Variants in MED1 observed in about 807,000 individuals in gnomAD.
MED1 encodes mediator of RNA polymerase II transcription subunit 1.
Under a neutral mutation model 121.3 loss-of-function variants are expected in MED1, and 17 were observed. That is an observed-to-expected ratio of 0.14 (90% confidence interval 0.10 to 0.21). The LOEUF is 0.21. MED1 is among the 10% of genes least tolerant of loss of function. The pLI is 1.00. For missense variants in MED1, 1,558 were observed against 1,919.4 expected (o/e 0.81, Z 3.52); for synonymous variants, 661 against 694.4 (o/e 0.95, Z 0.76).
intron 16 of MED1, among the ~76,000 whole-genome samples, chr17:39,413,965 G>A (rs1253566134): frequency 4.4e-5 from 6 of 135,282 alleles, no homozygotes; most frequent in Non-Finnish European, 9.2e-5. Context: ...AGTGGCTCAC[G>A]CCTGTAATCC....
At chr17:39,445,136 C>T (rs896251582) in intron 2 of MED1, among the ~76,000 whole-genome samples, 1 of 151,996 alleles carries the variant, frequency 6.6e-6, no homozygotes, top group Non-Finnish European at 1.5e-5. Context: ...TCAATGAATA[C>T]CAGTATTATG....
In MED1 at chr17:39,428,780, G is replaced by T. The variant is rs564683336; in HGVS notation, c.650-990C>A. Among the ~76,000 whole-genome samples, 4 of 151,776 alleles carry T rather than the reference G, an allele frequency of 2.6e-5. No individual in the cohort carries two copies. In the South Asian group the frequency reaches 6.2e-4, roughly 24 times the overall value. On this transcript the variant is annotated intron_variant, in intron 9 of 16. Coordinates refer to ENST00000300651, the MANE Select transcript of MED1 (RefSeq NM_004774.4). ...AGCCTGGCCAGCATGGTGAAACCTT[G>T]TATCTACTAAAAATACAAAAAATTA...
chr17:39,430,694 A>G (rs867602975), intron 9 of MED1, among the ~76,000 whole-genome samples: 8 of 8,094 alleles, frequency 9.9e-4, no homozygotes, highest in Middle Eastern at 0.12. Context: ...CTCCGTCTTA[A>G]AAAAAAAAAA....
chr17:39,422,478 T>G (rs1259842230), intron 13 of MED1, among the ~76,000 whole-genome samples: 2 of 143,964 alleles, frequency 1.4e-5, no homozygotes, highest in Admixed American at 1.4e-4. Flanking sequence ...CGTTTTTTTT[T>G]TTTTTTTTTT....
chr17:39,421,887 G>C (rs2048468205), intron 13 of MED1, among the ~76,000 whole-genome samples: 1 of 151,828 alleles, frequency 6.6e-6, no homozygotes, highest in Non-Finnish European at 1.5e-5. Context: ...CTAGCACTTT[G>C]GGAGGCCGAG....
chr17:39,431,218 T>C (rs1434737116), intron 8 of MED1, 30 bp from the exon 9 acceptor site: 2 of 1,547,044 alleles, frequency 1.3e-6, no homozygotes, highest in East Asian at 4.5e-5. Context: ...TGTTTGCTTA[T>C]ATTTAATCCC....
rs1222683265 is a variant in MED1 at position 39,419,599 on chromosome 17, TG to T, written c.1297+117del. 3.3e-5 allele frequency: 30 copies of T among 902,262 alleles called. No homozygotes were observed. In the South Asian group the frequency reaches 4.4e-4, roughly 13 times the overall value. 55.9% of individuals were successfully genotyped at this position (902,262 alleles called of 1,614,324 possible). On this transcript the variant is annotated intron_variant, in intron 14 of 16. Transcript: ENST00000300651. ...ATTTGCTTGATTTTTATGCCAAATA[TG>T]AAAAAAAAAAAACTTTTTTTAAGTT...
intron 13 of MED1, among the ~76,000 whole-genome samples, chr17:39,420,197 CTTTTTTTTTTTT>C (rs751616356): frequency 7.5e-6 from 1 of 132,702 alleles, no homozygotes. Flanking sequence ...TGCAAAATCT[CTTTTTTTTTTTT>C]TTTTTTTTGA....
chr17:39,427,049 T>C (rs961030597), intron 10 of MED1, among the ~76,000 whole-genome samples: 1 of 152,162 alleles, frequency 6.6e-6, no homozygotes, highest in African/African-American at 2.4e-5. Flanking sequence ...ACCTCCCAAG[T>C]AGCTAGGACT....
chr17:39,434,507 T>C (rs2048599992), intron 6 of MED1, among the ~76,000 whole-genome samples, 187 bp from the exon 7 acceptor site: 1 of 152,168 alleles, frequency 6.6e-6, no homozygotes, highest in Non-Finnish European at 1.5e-5. Context: ...ATATTTTCCT[T>C]TGTCTCCCTC....
chr17:39,406,822 A>G lies in MED1; in HGVS notation c.*653T>C. On this transcript the variant is annotated 3_prime_UTR_variant, in exon 17 of 17. Coordinates refer to ENST00000300651, the MANE Select transcript of MED1 (RefSeq NM_004774.4). The stretch of plus-strand genomic sequence containing the variant: ...TCGGCCTTCCATCATTTTGAACCCT[A>G]AACCTCATAGATTTAGAACGAAACA... 1 of 985,534 alleles carries G rather than the reference A, an allele frequency of 1.0e-6. No individual in the cohort carries two copies. Among genetic ancestry groups the G allele is most frequent in the Non-Finnish European group, 1.2e-6 (1 of 829,938 alleles). 61.0% of individuals were successfully genotyped at this position (985,534 alleles called of 1,614,324 possible).
At chr17:39,446,052 T>C (rs2048723542) in intron 2 of MED1, among the ~76,000 whole-genome samples, 1 of 146,646 alleles carries the variant, frequency 6.8e-6, no homozygotes, top group Admixed American at 6.8e-5. Flanking sequence ...AAAAAATGAA[T>C]CCGCCAGGCA....
intron 6 of MED1, among the ~76,000 whole-genome samples, chr17:39,436,360 CA>C (rs1256137863): frequency 2.9e-5 from 2 of 68,410 alleles, no homozygotes; most frequent in African/African-American, 1.1e-4. Context: ...GACTCCAACT[CA>C]AAAAAAAGAA....
At chr17:39,444,460 T>C (rs1269888380) in intron 2 of MED1, among the ~76,000 whole-genome samples, 1 of 138,890 alleles carries the variant, frequency 7.2e-6, no homozygotes, top group East Asian at 2.2e-4. Flanking sequence ...TGAGCCGAGA[T>C]CACACCACTG....
At chr17:39,411,349 G>A (rs748139031) in intron 16 of MED1, among the ~76,000 whole-genome samples, 2 of 151,394 alleles carry the variant, frequency 1.3e-5, no homozygotes, top group African/African-American at 2.4e-5. Flanking sequence ...GGTCGGGCGC[G>A]GTGGCTCACT....
At chr17:39,442,310 T>C (rs908518421) in intron 3 of MED1, among the ~76,000 whole-genome samples, 3 of 151,510 alleles carry the variant, frequency 2.0e-5, no homozygotes, top group African/African-American at 2.4e-5. Context: ...AAAATGTCCA[T>C]CTTCTGGACA....
intron 11 of MED1, among the ~76,000 whole-genome samples, chr17:39,424,354 T>C (rs1284372577): frequency 1.3e-5 from 2 of 152,152 alleles, no homozygotes; most frequent in East Asian, 3.8e-4. Context: ...ATTACTCCAA[T>C]GTAACTAATG....
rs368699125 is a variant in MED1, at chr17:39,410,548, C to T, written c.1673G>A (p.Ser558Asn). Residue 558 changes from serine to asparagine, a missense_variant, in exon 17 of 17, where the codon AGT becomes AAT. This residue lies in a region of MED1 where 793 missense variants were observed against 898.2 expected (regional missense o/e 0.88). Coordinates refer to ENST00000300651, the MANE Select transcript of MED1 (RefSeq NM_004774.4). ...GGTGTTGGTTGGTGTAGTGGTACCA[C>T]TCATTGGGTTGTTGCCTGTGGTCAT... The part of the protein sequence containing the change: ...YGMTTGNNPM[S>N]GTTTPTNTFP... The T allele has an allele frequency of 6.2e-7, 1 of 1,614,064 alleles. No homozygotes were observed. The highest frequency in any genetic ancestry group is 1.6e-4 in the Middle Eastern group (1 of 6,062).
intron 14 of MED1, 84 bp from the exon 15 acceptor site, chr17:39,415,423 C>G: frequency 7.9e-7 from 1 of 1,260,806 alleles, no homozygotes; most frequent in Non-Finnish European, 1.1e-6. Flanking sequence ...CCTGTAATCC[C>G]AGCAGTTTGG....
Sources: gnomAD v4.1 joint callset for allele counts (sites outside exome capture counted in the v4.1 genomes callset) on GRCh38, gnomAD v4.1.1 for gene constraint, gnomAD v4.1.1 regional missense constraint, MANE v1.5 for transcripts, NCBI Gene and HGNC (gene_info 2026-07-23, HGNC 2026-07-21) for gene names.